Variants in PRSS41 observed in about 807,000 individuals in gnomAD.
The protein encoded by PRSS41 is serine protease 41, also known as protease, serine 41.
Under a neutral mutation model 28.8 loss-of-function variants are expected in PRSS41, and 37 were observed. The ratio of observed to expected loss-of-function variants is 1.29; its 90% CI spans 0.99 to 1.69. The LOEUF is 1.69. Among genes scored for constraint, PRSS41 ranks in the 40% most tolerant of loss-of-function variants. The probability of loss-of-function intolerance (pLI) is 0.00; values close to 1 mark genes in which losing one functional copy is unlikely to be tolerated. For synonymous variants in PRSS41, 195 were observed against 163.1 expected (o/e 1.20, Z -1.49); for missense variants, 431 against 400.7 (o/e 1.08, Z -0.65).
At position 2,799,397 on chromosome 16, in the gene PRSS41, G is replaced by A. The variant is rs1411060825; in HGVS notation, c.369G>A (p.Val123=). The change falls in exon 4 of 6, where the codon GTG becomes GTA. Residue 123 remains valine (V), a synonymous_variant. Transcript: ENST00000399677. ...GTTACAAAGTGCAGGACATCATTGT[G>A]AACCCTGACGCACTTGGGGTTTTAC... 5.8e-6 allele frequency: 9 copies of A among 1,551,980 alleles called. No individual in the cohort carries two copies. The Admixed American group carries it at 7.8e-5, about 14-fold the overall frequency.
At chr16:2,799,569 A>G in exon 4 of PRSS41, 1 of 1,551,262 alleles carries the variant, frequency 6.4e-7, no homozygotes, top group Non-Finnish European at 8.7e-7. Context: ...CCCCAGTGGC[A>G]GTGAGGCTGG....
chr16:2,799,460 C>A, exon 4 of PRSS41: 1 of 1,552,206 alleles, frequency 6.4e-7, no homozygotes, highest in African/African-American at 1.4e-5. Flanking sequence ...CCTCTTCTGT[C>A]ACCTACAATG....
chr16:2,798,907 T>TACCCA, intron 2 of PRSS41, 52 bp from the exon 3 acceptor site: 1 of 1,431,094 alleles, frequency 7.0e-7, no homozygotes, highest in Non-Finnish European at 9.3e-7. Flanking sequence ...AGGGCGGGCC[T>TACCCA]GCCCACCCCA....
intron 2 of PRSS41, 47 bp from the exon 3 acceptor site, chr16:2,798,910 CCA>C: frequency 5.5e-6 from 6 of 1,090,276 alleles, no homozygotes; most frequent in Non-Finnish European, 7.7e-6. Flanking sequence ...GCGGGCCTGC[CCA>C]CCCCACCCCA....
chr16:2,804,795 C>T (rs548548497), intron 5 of PRSS41, 119 bp from the exon 6 acceptor site: 419 of 881,200 alleles, frequency 4.8e-4, no homozygotes, highest in Non-Finnish European at 5.2e-4. Context: ...GACTTGATTC[C>T]ATGGGAAGGA....
At chr16:2,799,007 A>G in exon 3 of PRSS41, 3 of 1,501,844 alleles carry the variant, frequency 2.0e-6, no homozygotes, top group Non-Finnish European at 2.7e-6. Context: ...GGCGGAGTGG[A>G]GTCCGCGCGC....
chr16:2,805,209 G>T, exon 6 of PRSS41: 2 of 1,177,402 alleles, frequency 1.7e-6, no homozygotes, highest in Non-Finnish European at 2.4e-6. Context: ...CCTCCTCTGG[G>T]CTGTGGGCGC....
rs1394216278 is a variant in PRSS41, at chr16:2,798,946, C to T, written c.92-13C>T. 2 of 1,377,660 alleles carry T rather than the reference C, an allele frequency of 1.5e-6. No individual in the cohort carries two copies. The highest frequency in any genetic ancestry group is 9.7e-7 in the Non-Finnish European group (1 of 1,029,992). 85.3% of individuals were successfully genotyped at this position (1,377,660 alleles called of 1,614,324 possible). A position where few individuals can be genotyped will look rare whatever the true frequency, so the allele number is the denominator to read the frequency against. On this transcript the variant is annotated splice_polypyrimidine_tract_variant and intron_variant, in intron 2 of 5. Transcript: ENST00000399677. Reference sequence around the variant, plus strand: ...CACCCGGCAGCTCAGCCGCGTCCGTCTGTCCATCCCAGAGGCCTGCGGCCA... The same window carrying T: ...CACCCGGCAGCTCAGCCGCGTCCGTTTGTCCATCCCAGAGGCCTGCGGCCA...
intron 2 of PRSS41, 53 bp from the exon 3 acceptor site, chr16:2,798,906 C>A: frequency 6.8e-7 from 1 of 1,470,130 alleles, no homozygotes; most frequent in Non-Finnish European, 9.0e-7. Context: ...CAGGGCGGGC[C>A]TGCCCACCCC....
chr16:2,798,640 G>T (rs759895948), exon 2 of PRSS41: 44 of 1,494,862 alleles, frequency 2.9e-5, no homozygotes, highest in African/African-American at 1.8e-4. Context: ...CTGCAGAGTC[G>T]CAGGAGGAGG....
At chr16:2,799,036 G>A in exon 3 of PRSS41, 1 of 1,532,914 alleles carries the variant, frequency 6.5e-7, no homozygotes, top group South Asian at 1.2e-5. Context: ...GCCATGGCAG[G>A]CCAGCCTGCG....
At position 2,799,453 on chromosome 16, in the gene PRSS41, C is replaced by T. The variant is rs949795160; in HGVS notation, c.425C>T (p.Ser142Phe). The change falls in exon 4 of 6, where the codon TCT (serine) becomes TTT (phenylalanine). Residue 142 changes from serine to phenylalanine, a missense_variant. Transcript: ENST00000399677. ...GACATTGCCCTGCTGAGACTGGCCT[C>T]TTCTGTCACCTACAATGCGTACATC... 1.7e-5 allele frequency: 26 copies of T among 1,552,114 alleles called. No homozygotes were observed. The East Asian group carries it at 2.4e-4, about 15-fold the overall frequency.
At chr16:2,800,868 GTATAGCTA>G (rs1450331893) in intron 4 of PRSS41, among the ~76,000 whole-genome samples, 1 of 152,118 alleles carries the variant, frequency 6.6e-6, no homozygotes, top group Non-Finnish European at 1.5e-5. Flanking sequence ...CAAACACATT[GTATAGCTA>G]TATGAAAATA....
chr16:2,801,767 G>C (rs925374091), intron 4 of PRSS41, among the ~76,000 whole-genome samples: 1 of 152,264 alleles, frequency 6.6e-6, no homozygotes, highest in Admixed American at 6.5e-5. Flanking sequence ...GCAACCATCC[G>C]ATTTCTCAAT....
intron 2 of PRSS41, 120 bp from the exon 3 acceptor site, chr16:2,798,839 T>G (rs2068965292): frequency 5.5e-6 from 7 of 1,275,186 alleles, no homozygotes; most frequent in Non-Finnish European, 7.2e-6. Context: ...CGTCACCTTC[T>G]TGGCGCGCGG....
exon 1 of PRSS41, chr16:2,798,547 G>C: frequency 2.6e-6 from 4 of 1,533,026 alleles, no homozygotes; most frequent in Non-Finnish European, 3.5e-6. Context: ...TCGGGAAGCC[G>C]GGTGAGCTCG....
At chr16:2,799,659 C>G in intron 4 of PRSS41, 90 bp downstream of exon 4, 1 of 1,384,006 alleles carries the variant, frequency 7.2e-7, no homozygotes, top group Non-Finnish European at 9.8e-7. Context: ...GCACAGCAGC[C>G]CCCTCCTTGG....
At chr16:2,798,599 G>A in intron 1 of PRSS41, 37 bp from the exon 2 acceptor site, 1 of 1,524,132 alleles carries the variant, frequency 6.6e-7, no homozygotes, top group Non-Finnish European at 8.8e-7. Context: ...GAGGCCGGGA[G>A]GTGGAGGCCG....
At chr16:2,803,173 G>T (rs1160659252) in intron 4 of PRSS41, among the ~76,000 whole-genome samples, 2 of 152,174 alleles carry the variant, frequency 1.3e-5, no homozygotes, top group Non-Finnish European at 2.9e-5. Flanking sequence ...TGCAAAGAAT[G>T]ACTTCTGCCA....
Sources: gnomAD v4.1 joint callset for allele counts (sites outside exome capture counted in the v4.1 genomes callset) on GRCh38, gnomAD v4.1.1 for gene constraint, MANE v1.5 for transcripts, NCBI Gene and HGNC (gene_info 2026-07-23, HGNC 2026-07-21) for gene names.